UMAD1: variants seen among roughly 807,000 people sequenced by gnomAD.
UMAD1 encodes the protein UBAP1-MVB12-associated (UMA) domain containing 1, also known as UBAP1-MVB12-associated (UMA)-domain containing protein 1.
Under a neutral mutation model 6.1 loss-of-function variants are expected in UMAD1, and 8 were observed. That is an observed-to-expected ratio of 1.30 (90% CI 0.76 to 2.35). The LOEUF is 2.35. Ranked by LOEUF, UMAD1 falls within the 30% of genes most tolerant of loss-of-function variation. The pLI is 0.00. For missense variants in UMAD1, 130 were observed against 78.4 expected (o/e 1.66, Z -2.49); for synonymous variants, 56 against 31.4 (o/e 1.78, Z -2.61).
intron 3 of UMAD1, among the ~76,000 whole-genome samples, chr7:7,873,819 A>C (rs887794648): frequency 6.6e-6 from 1 of 152,194 alleles, no homozygotes; most frequent in Non-Finnish European, 1.5e-5. Context: ...AAAAACAAAA[A>C]TCAAAAGAAA....
chr7:7,760,798 G>A (rs1454580424), intron 2 of UMAD1, among the ~76,000 whole-genome samples: 3 of 152,174 alleles, frequency 2.0e-5, no homozygotes, highest in African/African-American at 7.2e-5. Flanking sequence ...ATGCTATGAA[G>A]GGCCTTGAAT....
intron 2 of UMAD1, among the ~76,000 whole-genome samples, chr7:7,762,197 A>G (rs1283385038): frequency 6.6e-6 from 1 of 152,208 alleles, no homozygotes; most frequent in Admixed American, 6.5e-5. Flanking sequence ...CAACACCAGG[A>G]GAACAAATTA....
At chr7:7,826,737 A>T (rs17138331) in intron 3 of UMAD1, among the ~76,000 whole-genome samples, 1 of 152,040 alleles carries the variant, frequency 6.6e-6, no homozygotes, top group African/African-American at 2.4e-5. Flanking sequence ...AACAGCTTTC[A>T]TTTACATCTC....
intron 2 of UMAD1, among the ~76,000 whole-genome samples, chr7:7,796,871 A>AC (rs1325711209): frequency 6.6e-6 from 1 of 151,374 alleles, no homozygotes; most frequent in Non-Finnish European, 1.5e-5. Context: ...ACCCTTAAAA[A>AC]CCCTACCCCC....
At chr7:7,768,792 C>A (rs1319697928) in intron 2 of UMAD1, among the ~76,000 whole-genome samples, 1 of 152,148 alleles carries the variant, frequency 6.6e-6, no homozygotes, top group Non-Finnish European at 1.5e-5. Context: ...TCGCACTTTA[C>A]TATATTATAT....
At chr7:7,689,268 G>GTGGCAGTTATT (rs1362618866) in intron 2 of UMAD1, 1 of 152,124 alleles carries the variant, frequency 6.6e-6, no homozygotes, top group African/African-American at 2.4e-5. Flanking sequence ...ACCTCTTCTC[G>GTGGCAGTTATT]TGGCAGTTAT....
At chr7:7,786,152 G>A (rs1782457196) in intron 2 of UMAD1, among the ~76,000 whole-genome samples, 1 of 152,154 alleles carries the variant, frequency 6.6e-6, no homozygotes, top group African/African-American at 2.4e-5. Flanking sequence ...TTGTCCCAGT[G>A]ATGTCCTTTA....
At chr7:7,765,819 A>G (rs1781973071) in intron 2 of UMAD1, among the ~76,000 whole-genome samples, 2 of 152,228 alleles carry the variant, frequency 1.3e-5, no homozygotes, top group Admixed American at 1.3e-4. Flanking sequence ...TTGTTTAGTA[A>G]GCATATATCT....
At chr7:7,653,741 C>T (rs1168718012) in intron 1 of UMAD1, among the ~76,000 whole-genome samples, 1 of 152,178 alleles carries the variant, frequency 6.6e-6, no homozygotes, top group African/African-American at 2.4e-5. Context: ...AAAGAAGTCC[C>T]TTTCTTGTAA....
intron 2 of UMAD1, among the ~76,000 whole-genome samples, chr7:7,713,613 T>G (rs1055559668): frequency 1.3e-5 from 2 of 151,378 alleles, no homozygotes; most frequent in African/African-American, 4.8e-5. Flanking sequence ...AATTATTTCC[T>G]TTTTCATTTT....
intron 3 of UMAD1, among the ~76,000 whole-genome samples, chr7:7,843,090 T>C (rs916396506): frequency 6.6e-5 from 10 of 152,322 alleles, no homozygotes; most frequent in Admixed American, 5.9e-4. Flanking sequence ...AATTTAAGAA[T>C]CTAGTTAGTG....
At chr7:7,813,412 G>C (rs1430633725) in intron 3 of UMAD1, among the ~76,000 whole-genome samples, 1 of 152,052 alleles carries the variant, frequency 6.6e-6, no homozygotes, top group African/African-American at 2.4e-5. Flanking sequence ...CACCGTATCG[G>C]CCAGGCTGGT....
At chr7:7,650,375 A>T (rs1469731683) in intron 1 of UMAD1, among the ~76,000 whole-genome samples, 1 of 152,124 alleles carries the variant, frequency 6.6e-6, no homozygotes, top group Non-Finnish European at 1.5e-5. Flanking sequence ...TAGTTTTATT[A>T]TCTTTCTGTG....
At chr7:7,750,782 C>T (rs1781663396) in intron 2 of UMAD1, among the ~76,000 whole-genome samples, 1 of 152,168 alleles carries the variant, frequency 6.6e-6, no homozygotes, top group African/African-American at 2.4e-5. Flanking sequence ...GATATAAACC[C>T]AGTCAGTTTG....
intron 2 of UMAD1, among the ~76,000 whole-genome samples, chr7:7,764,626 A>G (rs1324422459): frequency 6.6e-6 from 1 of 152,114 alleles, no homozygotes; most frequent in Non-Finnish European, 1.5e-5. Context: ...TGTATGAGGA[A>G]CTCCATTAGG....
At chr7:7,676,313 A>G in intron 2 of UMAD1, 1 of 394,316 alleles carries the variant, frequency 2.5e-6, no homozygotes, top group Non-Finnish European at 4.5e-6. Flanking sequence ...TAATGTGTGT[A>G]AAATGTTTAG....
At chr7:7,667,534 G>T (rs919084829) in intron 1 of UMAD1, among the ~76,000 whole-genome samples, 2 of 152,072 alleles carry the variant, frequency 1.3e-5, no homozygotes, top group African/African-American at 4.8e-5. Flanking sequence ...TTCCCTAAAT[G>T]TAAGTTCACT....
intron 2 of UMAD1, among the ~76,000 whole-genome samples, chr7:7,780,799 G>A (rs377054206): frequency 7.2e-5 from 11 of 152,124 alleles, no homozygotes; most frequent in African/African-American, 2.4e-4. Context: ...TGCACTTGTA[G>A]TTTGTTATTC....
chr7:7,867,318 G>C (rs1159522952), intron 3 of UMAD1, among the ~76,000 whole-genome samples: 4 of 152,144 alleles, frequency 2.6e-5, no homozygotes, highest in Admixed American at 2.6e-4. Context: ...TATTACTTTT[G>C]GGGGAGTGGA....
Sources: gnomAD v4.1 joint callset for allele counts (sites outside exome capture counted in the v4.1 genomes callset) on GRCh38, gnomAD v4.1.1 for gene constraint, MANE v1.5 for transcripts, NCBI Gene and HGNC (gene_info 2026-07-23, HGNC 2026-07-21) for gene names.